UBE2H: variants seen among roughly 807,000 people sequenced by gnomAD.
UBE2H encodes ubiquitin-conjugating enzyme E2 H.
Under a neutral mutation model 29.0 loss-of-function variants are expected in UBE2H, and 3 were observed. The ratio of observed to expected loss-of-function variants is 0.10; its 90% CI spans 0.05 to 0.27. The LOEUF is 0.27. Among genes scored for constraint, UBE2H ranks in the 10% least tolerant of loss-of-function variants. UBE2H has a pLI of 1.00. For synonymous variants in UBE2H, 69 were observed against 82.9 expected (o/e 0.83, Z 0.91); for missense variants, 68 against 228.2 (o/e 0.30, Z 4.52).
chr7:129,881,373 G>A (rs781241557), intron 1 of UBE2H, among the ~76,000 whole-genome samples: 1 of 152,210 alleles, frequency 6.6e-6, no homozygotes, highest in African/African-American at 2.4e-5. Flanking sequence ...CTGGCCAGAC[G>A]CAGCGGCTCA....
intron 3 of UBE2H, among the ~76,000 whole-genome samples, chr7:129,875,936 T>C (rs1044594954): frequency 1.3e-5 from 2 of 152,206 alleles, no homozygotes; most frequent in African/African-American, 4.8e-5. Context: ...ATCTCTAAAG[T>C]CCTCATGCAC....
At chr7:129,892,199 TC>T (rs1806508798) in intron 1 of UBE2H, among the ~76,000 whole-genome samples, 1 of 152,008 alleles carries the variant, frequency 6.6e-6, no homozygotes, top group East Asian at 1.9e-4. Flanking sequence ...TCCGCCCGCC[TC>T]GGCCTCCCAA....
At chr7:129,863,641 C>T (rs149370996) in intron 3 of UBE2H, among the ~76,000 whole-genome samples, 22 of 152,190 alleles carry the variant, frequency 1.4e-4, no homozygotes, top group African/African-American at 1.9e-4. Flanking sequence ...TACAAAACCA[C>T]CAACATGATA....
chr7:129,900,951 C>T (rs1217933780), intron 1 of UBE2H, among the ~76,000 whole-genome samples: 6 of 151,988 alleles, frequency 3.9e-5, no homozygotes, highest in African/African-American at 1.2e-4. Flanking sequence ...GGGGTTTCAC[C>T]GTGTTAGCCA....
At chr7:129,927,910 T>A (rs1584791481) in intron 1 of UBE2H, among the ~76,000 whole-genome samples, 1 of 151,864 alleles carries the variant, frequency 6.6e-6, no homozygotes, top group African/African-American at 2.4e-5. Context: ...TAACAATTTA[T>A]TGTAGCTGAG....
intron 5 of UBE2H, among the ~76,000 whole-genome samples, chr7:129,840,384 C>T (rs538871738): frequency 3.3e-5 from 5 of 151,948 alleles, no homozygotes; most frequent in Admixed American, 2.0e-4. Flanking sequence ...GACAGGGTCT[C>T]CTTATGCTGC....
At chr7:129,904,328 G>A (rs1043352717) in intron 1 of UBE2H, among the ~76,000 whole-genome samples, 6 of 151,570 alleles carry the variant, frequency 4.0e-5, no homozygotes, top group African/African-American at 7.3e-5. Flanking sequence ...CTGTGTTGGC[G>A]AGGCTGGTCT....
intron 5 of UBE2H, among the ~76,000 whole-genome samples, chr7:129,840,427 A>G (rs1222363333): frequency 2.0e-5 from 3 of 151,854 alleles, no homozygotes; most frequent in Admixed American, 2.0e-4. Context: ...GACTCAAGAG[A>G]TCCTTCCATC....
At chr7:129,879,734 G>A in intron 2 of UBE2H, 92 bp from the exon 3 acceptor site, 1 of 1,186,908 alleles carries the variant, frequency 8.4e-7, no homozygotes. Flanking sequence ...CTAATCTTCT[G>A]AAAACCTTCC....
At chr7:129,940,726 C>G (rs903577754) in intron 1 of UBE2H, among the ~76,000 whole-genome samples, 1 of 152,168 alleles carries the variant, frequency 6.6e-6, no homozygotes, top group African/African-American at 2.4e-5. Context: ...GCAGATACCC[C>G]CTTGAGCACC....
chr7:129,862,845 C>T (rs1426966470), intron 3 of UBE2H, among the ~76,000 whole-genome samples: 1 of 152,106 alleles, frequency 6.6e-6, no homozygotes, highest in Non-Finnish European at 1.5e-5. Flanking sequence ...TGAACAGTGA[C>T]ATATTCACAT....
chr7:129,888,423 G>A (rs111572152), intron 1 of UBE2H, among the ~76,000 whole-genome samples: 7 of 152,122 alleles, frequency 4.6e-5, no homozygotes, highest in African/African-American at 1.2e-4. Context: ...AGGCTGAGGT[G>A]GGAGGATTGT....
At chr7:129,932,070 C>T (rs946539255) in intron 1 of UBE2H, among the ~76,000 whole-genome samples, 2 of 151,392 alleles carry the variant, frequency 1.3e-5, no homozygotes, top group African/African-American at 4.9e-5. Context: ...GATCCGCCTG[C>T]CTCGGCCTCC....
Position 129,904,619 on chromosome 7 carries a change from T to C in UBE2H, c.54-23648A>G, listed in dbSNP as rs1348556258. Among the ~76,000 whole-genome samples the C allele has an allele frequency of 2.0e-5, 3 of 152,230 alleles. No homozygotes were observed. The East Asian group carries it at 5.8e-4, about 29-fold the overall frequency. ...ACTTCCAAGAGGGCAAGAACCTTATTTGCCTTTATTCCTGACATGTAGCTG... is the reference window on the plus strand; with the variant it reads ...ACTTCCAAGAGGGCAAGAACCTTATCTGCCTTTATTCCTGACATGTAGCTG... On this transcript the variant is annotated intron_variant, in intron 1 of 6. Coordinates refer to ENST00000355621, the MANE Select transcript of UBE2H (RefSeq NM_003344.4).
At chr7:129,894,262 T>G (rs1806556771) in intron 1 of UBE2H, among the ~76,000 whole-genome samples, 1 of 152,084 alleles carries the variant, frequency 6.6e-6, no homozygotes, top group Non-Finnish European at 1.5e-5. Flanking sequence ...GATACCAGCT[T>G]GGGCAATATG....
intron 1 of UBE2H, among the ~76,000 whole-genome samples, chr7:129,951,617 G>A (rs1201016912): frequency 6.6e-6 from 1 of 152,126 alleles, no homozygotes; most frequent in Non-Finnish European, 1.5e-5. Flanking sequence ...CTTTCCCACT[G>A]CAACCTCCAG....
intron 1 of UBE2H, among the ~76,000 whole-genome samples, chr7:129,893,439 C>T (rs1287240011): frequency 6.6e-6 from 1 of 152,078 alleles, no homozygotes; most frequent in Non-Finnish European, 1.5e-5. Flanking sequence ...AATCTAAGTA[C>T]CACACCCCCA....
At chr7:129,856,412 G>A (rs1584746965) in intron 5 of UBE2H, among the ~76,000 whole-genome samples, 1 of 152,110 alleles carries the variant, frequency 6.6e-6, no homozygotes, top group East Asian at 1.9e-4. Flanking sequence ...GGGCCTTACA[G>A]ATGAATCAGA....
intron 1 of UBE2H, among the ~76,000 whole-genome samples, chr7:129,935,886 C>A (rs1342741271): frequency 6.6e-6 from 1 of 152,076 alleles, no homozygotes. Context: ...GCGGTACAGT[C>A]AAGCATTAAT....
Sources: gnomAD v4.1 joint callset for allele counts (sites outside exome capture counted in the v4.1 genomes callset) on GRCh38, gnomAD v4.1.1 for gene constraint, MANE v1.5 for transcripts, NCBI Gene and HGNC (gene_info 2026-07-23, HGNC 2026-07-21) for gene names.